ANKRD26: variants seen among roughly 807,000 people sequenced by gnomAD.
The protein encoded by ANKRD26 is ankyrin repeat domain-containing protein 26.
In ANKRD26, 141 loss-of-function variants were observed where a neutral mutation model predicts 208.7. That is an observed-to-expected ratio of 0.68 (90% CI 0.59 to 0.78). ANKRD26 has a LOEUF of 0.78. Ranked by LOEUF, ANKRD26 falls within the 30% of genes least tolerant of loss-of-function variation. The probability of loss-of-function intolerance (pLI) is 0.00; values close to 1 mark genes in which losing one functional copy is unlikely to be tolerated. For missense variants in ANKRD26, 1,889 were observed against 1,938.7 expected (o/e 0.97, Z 0.48); for synonymous variants, 636 against 660.4 (o/e 0.96, Z 0.57).
intron 1 of ANKRD26, among the ~76,000 whole-genome samples, chr10:27,095,625 G>T (rs2056443993): frequency 6.6e-6 from 1 of 152,160 alleles, no homozygotes; most frequent in Admixed American, 6.5e-5. Context: ...CCGAGATCAT[G>T]CCACTTTACT....
chr10:27,035,441 T>C lies in ANKRD26; in HGVS notation c.3009A>G (p.Glu1003=), dbSNP rs1287328857. The C allele has an allele frequency of 6.2e-7, 1 of 1,614,064 alleles. No individual in the cohort carries two copies. The highest frequency in any genetic ancestry group is 8.5e-7 in the Non-Finnish European group (1 of 1,179,950). The part of the protein sequence containing the change: ...ENEKQSKERL[E]AEVESYHSRL... ...TAGAATGGTATGATTCAACTTCTGC[T>C]TCCAGTCTTTCCTTGCTTTGCTTTT... Residue 1003 remains glutamate (E), a synonymous_variant, in exon 24 of 34, where the codon GAA becomes GAG. Coordinates refer to ENST00000376087, the MANE Select transcript of ANKRD26 (RefSeq NM_014915.3).
At chr10:27,082,004 G>A (rs182490923) in intron 6 of ANKRD26, among the ~76,000 whole-genome samples, 233 of 148,304 alleles carry the variant, frequency 1.6e-3, no homozygotes, top group African/African-American at 4.7e-3. Context: ...CCAAAGTGCT[G>A]GGATTACAGT....
chr10:27,091,945 C>A (rs989369503), intron 4 of ANKRD26, among the ~76,000 whole-genome samples: 7 of 151,556 alleles, frequency 4.6e-5, no homozygotes, highest in African/African-American at 1.7e-4. Context: ...TGAGATTGCG[C>A]CACTGCACTC....
chr10:27,047,645 G>C (rs1302883499), intron 17 of ANKRD26, among the ~76,000 whole-genome samples: 1 of 151,134 alleles, frequency 6.6e-6, no homozygotes, highest in Non-Finnish European at 1.5e-5. Context: ...AAAAGAATTT[G>C]GTAACTTTTA....
At chr10:27,076,422 C>T (rs901180738) in intron 9 of ANKRD26, among the ~76,000 whole-genome samples, 4 of 152,062 alleles carry the variant, frequency 2.6e-5, no homozygotes, top group African/African-American at 9.7e-5. Context: ...ACCACCATGC[C>T]TGGCTAATTT....
chr10:27,008,844 A>G (rs911500709), intron 32 of ANKRD26, among the ~76,000 whole-genome samples: 6 of 151,370 alleles, frequency 4.0e-5, no homozygotes, highest in Non-Finnish European at 8.8e-5. Flanking sequence ...CCTTGAATTT[A>G]TTTTTTTTCT....
rs149655759 is a variant in ANKRD26, at chr10:27,060,339, A to G, written c.1564+6T>C. 34,298 of 1,595,366 alleles carry G rather than the reference A, an allele frequency of 0.021. 428 individuals carry two copies. The highest frequency in any genetic ancestry group is 0.024 in the Non-Finnish European group (28,250 of 1,163,314). ...TCCAAGATTAAATATATATTGCAACATTTACCTGCTTTGGATGTTTGTACA... is the reference window on the plus strand; with the variant it reads ...TCCAAGATTAAATATATATTGCAACGTTTACCTGCTTTGGATGTTTGTACA... On this transcript the variant is annotated splice_donor_region_variant and intron_variant, in intron 15 of 33. Transcript: ENST00000376087.
At position 27,035,015 on chromosome 10, in the gene ANKRD26, C is replaced by A; in HGVS notation, c.3435G>T (p.Leu1145Phe). ...GGGCATCATCCAGTTGTTGTCGAAGCAACATATTCTCACTTTGTAGTTGAG... is the reference window on the plus strand; with the variant it reads ...GGGCATCATCCAGTTGTTGTCGAAGAAACATATTCTCACTTTGTAGTTGAG... ...RLSQLQSENM[L>F]LRQQLDDAHN... Residue 1145 changes from leucine to phenylalanine, a missense_variant, in exon 24 of 34, where the codon TTG becomes TTT. Physicochemically the swap from Leu to Phe is conservative, Grantham distance 22 (BLOSUM62 0). Around this residue, in one of 3 missense-constraint regions of ANKRD26, gnomAD observed 613 missense variants for 648.2 expected, o/e 0.95. Coordinates refer to ENST00000376087, the MANE Select transcript of ANKRD26 (RefSeq NM_014915.3). 1 of 1,614,000 alleles carries A rather than the reference C, an allele frequency of 6.2e-7. No individual in the cohort carries two copies. The highest frequency in any genetic ancestry group is 2.2e-5 in the East Asian group (1 of 44,856).
downstream of ANKRD26, among the ~76,000 whole-genome samples, chr10:26,989,932 G>A (rs995358306): frequency 1.3e-5 from 2 of 152,118 alleles, no homozygotes; most frequent in Non-Finnish European, 2.9e-5. Flanking sequence ...GGGGAAGTAA[G>A]CAATTCTGAA....
rs1564346408 is a variant in ANKRD26 at position 27,005,185 on chromosome 10, T to C, written c.*405A>G. 1.0e-6 allele frequency: 1 copy of C among 989,794 alleles called. No homozygotes were observed. Among genetic ancestry groups the C allele is most frequent in the Non-Finnish European group, 1.2e-6 (1 of 832,922 alleles). The allele number at this position is 989,794 out of a possible 1,614,324, so 61.3% of individuals were successfully genotyped here. A position where few individuals can be genotyped will look rare whatever the true frequency, so the allele number is the denominator to read the frequency against. ...GTAAATTTGATGGCACTGTAACAAT[T>C]GTAATACATCCAAACATGAACAATG... is the stretch of plus-strand genomic sequence containing the variant. On this transcript the variant is annotated 3_prime_UTR_variant, in exon 34 of 34. Coordinates refer to ENST00000376087, the MANE Select transcript of ANKRD26 (RefSeq NM_014915.3).
chr10:27,019,323 T>C (rs935264277), intron 29 of ANKRD26, among the ~76,000 whole-genome samples: 2 of 152,010 alleles, frequency 1.3e-5, no homozygotes. Context: ...GATGGGACAA[T>C]ATTAAACTGA....
At chr10:27,083,152 A>G (rs2055990417) in intron 5 of ANKRD26, among the ~76,000 whole-genome samples, 1 of 152,170 alleles carries the variant, frequency 6.6e-6, no homozygotes, top group Non-Finnish European at 1.5e-5. Flanking sequence ...TTTACACTCA[A>G]TAATCACTAA....
intron 5 of ANKRD26, among the ~76,000 whole-genome samples, chr10:26,993,519 A>G (rs1034738301): frequency 2.0e-5 from 3 of 152,198 alleles, no homozygotes; most frequent in African/African-American, 7.2e-5. Context: ...CAAATTTTGC[A>G]GTATCTCATC....
downstream of ANKRD26, among the ~76,000 whole-genome samples, chr10:26,987,260 T>C (rs1046400883): frequency 2.6e-5 from 4 of 151,686 alleles, no homozygotes; most frequent in South Asian, 8.4e-4. Flanking sequence ...AAGGGGAACA[T>C]CACACACCGG....
chr10:27,082,882 A>G (rs773775240), intron 5 of ANKRD26, 49 bp from the exon 6 acceptor site: 2 of 1,548,704 alleles, frequency 1.3e-6, no homozygotes, highest in East Asian at 2.4e-5. Flanking sequence ...ATAGAAAAAT[A>G]TATAAAATTT....
intron 3 of ANKRD26, among the ~76,000 whole-genome samples, chr10:26,983,011 T>C (rs1003172756): frequency 6.6e-6 from 1 of 152,204 alleles, no homozygotes; most frequent in Non-Finnish European, 1.5e-5. Context: ...TCCTCTAAGA[T>C]ATAAATCCAA....
intron 13 of ANKRD26, 121 bp downstream of exon 13, chr10:27,061,023 T>C (rs988090036): frequency 5.1e-6 from 4 of 787,542 alleles, no homozygotes; most frequent in Non-Finnish European, 8.9e-6. Context: ...CACACAGTTA[T>C]GATGCCACTT....
intron 5 of ANKRD26, 55 bp downstream of exon 5, chr10:27,086,484 T>C: frequency 6.3e-7 from 1 of 1,590,124 alleles, no homozygotes; most frequent in Non-Finnish European, 8.6e-7. Flanking sequence ...TCCTTACTTT[T>C]ACTTTTTTAT....
At chr10:27,076,809 A>C (rs2055714389) in intron 9 of ANKRD26, among the ~76,000 whole-genome samples, 1 of 152,200 alleles carries the variant, frequency 6.6e-6, no homozygotes, top group South Asian at 2.1e-4. Context: ...AAAAATAGAA[A>C]TCCTGAACAG....
Sources: allele counts gnomAD v4.1 joint callset (sites outside exome capture counted in the v4.1 genomes callset), GRCh38; gene constraint gnomAD v4.1.1; regional missense constraint gnomAD v4.1.1; transcripts MANE v1.5; gene names NCBI Gene and HGNC (gene_info 2026-07-23, HGNC 2026-07-21).